ADAM10: variants seen among roughly 807,000 people sequenced by gnomAD.
ADAM10 encodes the protein ADAM metallopeptidase domain 10.
A neutral mutation model predicts 90.1 loss-of-function variants in ADAM10; 17 were observed. The observed-to-expected ratio is 0.19, with a 90% CI of 0.13 to 0.28. The LOEUF (loss-of-function observed/expected upper bound fraction) is 0.28. Among genes scored for constraint, ADAM10 ranks in the 10% least tolerant of loss-of-function variants. The probability of loss-of-function intolerance (pLI) is 1.00; values close to 1 mark genes in which losing one functional copy is unlikely to be tolerated. For synonymous variants in ADAM10, 310 were observed against 298.6 expected (o/e 1.04, Z -0.40); for missense variants, 610 against 914.3 (o/e 0.67, Z 4.29).
chr15:58,688,345 T>C (rs1897665295), intron 2 of ADAM10, among the ~76,000 whole-genome samples: 2 of 151,918 alleles, frequency 1.3e-5, no homozygotes, highest in African/African-American at 2.4e-5. Context: ...CTGGGCAATG[T>C]AGCAAGACTC....
At chr15:58,626,451 G>A (rs1025525948) in intron 10 of ADAM10, among the ~76,000 whole-genome samples, 1 of 152,040 alleles carries the variant, frequency 6.6e-6, no homozygotes, top group Non-Finnish European at 1.5e-5. Flanking sequence ...ATAGGCCTCA[G>A]TGTTTCCCCT....
rs561432944 is a variant in ADAM10 at position 58,590,150 on chromosome 15, G to A, written c.*7397C>T. 6.6e-6 allele frequency: 1 copy of A among 152,002 alleles called. No homozygotes were observed. Among genetic ancestry groups the A allele is most frequent in the Non-Finnish European group, 1.5e-5 (1 of 68,016 alleles). 9.4% of individuals were successfully genotyped at this position (152,002 alleles called of 1,614,324 possible). On this transcript the variant is annotated 3_prime_UTR_variant, in exon 16 of 16. Transcript: ENST00000260408. ...GCATCACTTTCATAAGGAATTCTCT[G>A]ACCTTCCTGATGTCCCACCCTCCTT...
chr15:58,692,479 TCTTTATCTTCCTCTTCTTTCTCAC>T (rs1897850420), intron 2 of ADAM10: 1 of 519,660 alleles, frequency 1.9e-6, no homozygotes, highest in Non-Finnish European at 3.9e-6. Context: ...TTCTTTATCA[TCTTTATCTTCCTCTTCTTTCTCAC>T]CTTTCTCTTC....
rs565359282 is a variant in ADAM10, at chr15:58,740,227, T to A, written c.55+9253A>T. Among the ~76,000 whole-genome samples, 80 of 152,214 alleles carry A rather than the reference T, an allele frequency of 5.3e-4. 1 individual carries two copies. In the South Asian group the frequency reaches 0.016, roughly 31 times the overall value. On this transcript the variant is annotated intron_variant, in intron 1 of 15. Transcript: ENST00000260408. Reference sequence around the variant, plus strand: ...GAGTTCGAGGCCAGCCTGGCCAACATGGTGAAACCCCGTCTCTACTAAAAA... The same window carrying A: ...GAGTTCGAGGCCAGCCTGGCCAACAAGGTGAAACCCCGTCTCTACTAAAAA...
intron 8 of ADAM10, among the ~76,000 whole-genome samples, chr15:58,637,130 C>T (rs537990738): frequency 1.3e-5 from 2 of 152,312 alleles, no homozygotes; most frequent in Admixed American, 6.5e-5. Flanking sequence ...ATCCCGAGAA[C>T]CCTGTGTTAA....
chr15:58,598,400 T>C (rs981409179), intron 15 of ADAM10, among the ~76,000 whole-genome samples: 2 of 152,214 alleles, frequency 1.3e-5, no homozygotes, highest in African/African-American at 2.4e-5. Context: ...ATTGTGAACT[T>C]AAGAAAAGCA....
At chr15:58,738,407 C>T (rs1899499482) in intron 1 of ADAM10, among the ~76,000 whole-genome samples, 1 of 152,212 alleles carries the variant, frequency 6.6e-6, no homozygotes, top group African/African-American at 2.4e-5. Flanking sequence ...CTTTAATGCA[C>T]TCTTTGAAAA....
rs1894841997 is a variant in ADAM10, at chr15:58,592,358, CTACCATCA to C, written c.*5181_*5188del. On this transcript the variant is annotated 3_prime_UTR_variant, in exon 16 of 16. Transcript: ENST00000260408. ...CCAAAGGTAACTATAATTCTGTCCA[CTACCATCA>C]TTAACTCACAGAGTTAAATACAATA... is the stretch of plus-strand genomic sequence containing the variant. 1 of 152,202 alleles carries C rather than the reference CTACCATCA, an allele frequency of 6.6e-6. No individual in the cohort carries two copies. Among genetic ancestry groups the C allele is most frequent in the African/African-American group, 2.4e-5 (1 of 41,452 alleles). 9.4% of individuals were successfully genotyped at this position (152,202 alleles called of 1,614,324 possible).
At chr15:58,630,862 C>T (rs1269895169) in intron 9 of ADAM10, among the ~76,000 whole-genome samples, 1 of 152,144 alleles carries the variant, frequency 6.6e-6, no homozygotes, top group Non-Finnish European at 1.5e-5. Flanking sequence ...ATTTGGATGT[C>T]TGTCCCCCCA....
At chr15:58,642,575 TAAAACTTTAC>T (rs575672421) in intron 7 of ADAM10, among the ~76,000 whole-genome samples, 113 of 152,312 alleles carry the variant, frequency 7.4e-4, no homozygotes, top group African/African-American at 2.6e-3. Context: ...CTTCAACAGA[TAAAACTTTAC>T]TAAAGTTTTA....
intron 11 of ADAM10, among the ~76,000 whole-genome samples, chr15:58,619,114 C>A (rs1317189198): frequency 8.6e-5 from 13 of 151,746 alleles, no homozygotes; most frequent in African/African-American, 3.1e-4. Flanking sequence ...CACCAAGAGA[C>A]AAATGGATAA....
intron 11 of ADAM10, among the ~76,000 whole-genome samples, chr15:58,614,820 G>A (rs1429502984): frequency 2.0e-5 from 3 of 151,976 alleles, no homozygotes; most frequent in East Asian, 1.9e-4. Flanking sequence ...AACAACCTAC[G>A]TACACCAACA....
intron 1 of ADAM10, among the ~76,000 whole-genome samples, chr15:58,742,659 GA>G (rs1450645931): frequency 6.6e-5 from 10 of 152,158 alleles, no homozygotes; most frequent in African/African-American, 1.9e-4. Context: ...GCCCTTACAG[GA>G]ATCCAAGTGG....
At chr15:58,713,809 T>A (rs1472463081) in intron 2 of ADAM10, among the ~76,000 whole-genome samples, 1 of 150,660 alleles carries the variant, frequency 6.6e-6, no homozygotes, top group African/African-American at 2.5e-5. Flanking sequence ...TTCATAGAAT[T>A]CTTTTCTTTT....
intron 1 of ADAM10, among the ~76,000 whole-genome samples, chr15:58,727,634 T>A (rs1201790771): frequency 1.6e-4 from 25 of 152,312 alleles, no homozygotes; most frequent in African/African-American, 5.8e-4. Context: ...GCCAGCCTTG[T>A]TATTTTTTAA....
intron 2 of ADAM10, among the ~76,000 whole-genome samples, chr15:58,710,444 G>A (rs1898438596): frequency 6.6e-6 from 1 of 152,090 alleles, no homozygotes; most frequent in African/African-American, 2.4e-5. Context: ...TTTTCCTTAT[G>A]CTTCAGTAAG....
At chr15:58,682,883 A>G (rs1897477512) in intron 2 of ADAM10, among the ~76,000 whole-genome samples, 1 of 152,172 alleles carries the variant, frequency 6.6e-6, no homozygotes, top group African/African-American at 2.4e-5. Context: ...AGACCAGGAT[A>G]ATGGCTGAAA....
In ADAM10 at chr15:58,673,530, GATAA is replaced by G. The variant is rs1897245556; in HGVS notation, c.484+5590_484+5593del. Among the ~76,000 whole-genome samples the G allele has an allele frequency of 2.0e-5, 3 of 151,004 alleles. No individual in the cohort carries two copies. The South Asian group carries it at 6.2e-4, about 31-fold the overall frequency. On this transcript the variant is annotated intron_variant, in intron 4 of 15. Coordinates refer to ENST00000260408, the MANE Select transcript of ADAM10 (RefSeq NM_001110.4). ...AAAATATTTTATATTGATGTTTTAA[GATAA>G]ATATATATGAATATACATGTATACA...
At chr15:58,602,694 C>A (rs1465804955) in intron 14 of ADAM10, among the ~76,000 whole-genome samples, 1 of 152,160 alleles carries the variant, frequency 6.6e-6, no homozygotes, top group Non-Finnish European at 1.5e-5. Context: ...ACTTGAGTGT[C>A]ATTTCTCAGT....
Sources: allele counts gnomAD v4.1 joint callset (sites outside exome capture counted in the v4.1 genomes callset), GRCh38; gene constraint gnomAD v4.1.1; transcripts MANE v1.5; gene names NCBI Gene and HGNC (gene_info 2026-07-23, HGNC 2026-07-21).